Variants in PUM3 observed in about 807,000 individuals in gnomAD.
The protein encoded by PUM3 is pumilio homolog 3.
PUM3 carries 91 observed loss-of-function variants against 84.0 expected under a neutral mutation model. The ratio of observed to expected loss-of-function variants is 1.08; its 90% confidence interval spans 0.91 to 1.29. The LOEUF (loss-of-function observed/expected upper bound fraction) is 1.29, where lower values mean the gene tolerates loss of function less well. PUM3 is among the 50% of genes most tolerant of loss of function. The pLI, the probability that PUM3 is intolerant of heterozygous loss-of-function variation, is 0.00. For missense variants in PUM3, 1,067 were observed against 767.5 expected (o/e 1.39, Z -4.61); for synonymous variants, 321 against 266.7 (o/e 1.20, Z -1.98).
chr9:2,811,591 G>A lies in PUM3; in HGVS notation c.1413-8C>T, dbSNP rs754229006. 1.2e-6 allele frequency: 2 copies of A among 1,606,366 alleles called. No homozygotes were observed. Among genetic ancestry groups the A allele is most frequent in the Non-Finnish European group, 8.5e-7 (1 of 1,173,324 alleles). On this transcript the variant is annotated splice_region_variant and splice_polypyrimidine_tract_variant and intron_variant, in intron 14 of 17. Transcript: ENST00000397885. Reference sequence around the variant, plus strand: ...ACCTCTGTATCTTTCTTACTGTTGAGTATGTTGAACGGGGTATTAAGGTAA... The same window carrying A: ...ACCTCTGTATCTTTCTTACTGTTGAATATGTTGAACGGGGTATTAAGGTAA...
chr9:2,834,072 G>A lies in PUM3; in HGVS notation c.399C>T (p.Asp133=), dbSNP rs190795433. 77 of 1,613,676 alleles carry A rather than the reference G, an allele frequency of 4.8e-5. No individual in the cohort carries two copies. In the East Asian group the frequency reaches 1.7e-3, roughly 35 times the overall value. The change falls in exon 4 of 18, where the codon GAC becomes GAT. Residue 133 remains aspartate, a synonymous_variant. Coordinates refer to ENST00000397885, the MANE Select transcript of PUM3 (RefSeq NM_014878.5). ...ACATCTGCTTTGCCCGAACAACAAT[G>A]TCATAGTTGGTTTTATCACTGAGTT... ...SRQLSDKTNY[D]IVVRAKQMWE... is the part of the protein sequence containing the mutation.
chr9:2,830,704 CAA>C (rs1315468601), intron 7 of PUM3, among the ~76,000 whole-genome samples: 1 of 152,148 alleles, frequency 6.6e-6, no homozygotes, highest in African/African-American at 2.4e-5. Context: ...ATACCTCCAT[CAA>C]AGTCATAAAT....
At chr9:2,834,710 C>A (rs1816073844) in intron 3 of PUM3, among the ~76,000 whole-genome samples, 1 of 152,200 alleles carries the variant, frequency 6.6e-6, no homozygotes, top group Admixed American at 6.5e-5. Flanking sequence ...TGAGGCCACA[C>A]AACCTGCAAT....
At chr9:2,807,318 C>T (rs1029669718) in intron 17 of PUM3, among the ~76,000 whole-genome samples, 28 of 151,330 alleles carry the variant, frequency 1.9e-4, no homozygotes, top group African/African-American at 6.3e-4. Flanking sequence ...TCCTAAGGGC[C>T]AAGCACAATG....
rs527504258 is a variant in PUM3, at chr9:2,807,627, T to C, written c.1814+187A>G. Among the ~76,000 whole-genome samples, 33 of 124,896 alleles carry C rather than the reference T, an allele frequency of 2.6e-4. No individual in the cohort carries two copies. In the East Asian group the frequency reaches 7.0e-3, roughly 27 times the overall value. 81.9% of individuals were successfully genotyped at this position (124,896 alleles called of 152,430 possible). The stretch of plus-strand genomic sequence containing the variant: ...AAAAAAAAAAAAAAAAAAAAAAAGA[T>C]TCCTAAGGACTGACTGAAAGAGTTA... On this transcript the variant is annotated intron_variant, in intron 17 of 17. Transcript: ENST00000397885.
intron 12 of PUM3, among the ~76,000 whole-genome samples, chr9:2,821,535 A>T (rs1815630514): frequency 6.6e-6 from 1 of 152,104 alleles, no homozygotes; most frequent in African/African-American, 2.4e-5. Flanking sequence ...TGCTTTATGA[A>T]CTAATTAAGG....
At chr9:2,818,635 G>A (rs1821521525) in intron 13 of PUM3, among the ~76,000 whole-genome samples, 1 of 152,144 alleles carries the variant, frequency 6.6e-6, no homozygotes, top group African/African-American at 2.4e-5. Context: ...AATCATTATT[G>A]ATTGGAGTCA....
At chr9:2,838,203 G>A (rs1369037819) in intron 2 of PUM3, among the ~76,000 whole-genome samples, 1 of 152,210 alleles carries the variant, frequency 6.6e-6, no homozygotes, top group African/African-American at 2.4e-5. Context: ...AGCAACAACT[G>A]AGATAAGGAG....
Position 2,812,270 on chromosome 9 carries a change from T to G in PUM3, c.1362A>C (p.Thr454=). 6.2e-7 allele frequency: 1 copy of G among 1,613,524 alleles called. No homozygotes were observed. Among genetic ancestry groups the G allele is most frequent in the Non-Finnish European group, 8.5e-7 (1 of 1,179,462 alleles). ...GCAGAACTTCAATGATTTCTCGTAC[T>G]GTATGTGCAGGATCTCTGGGGCTTA... The part of the protein sequence containing the change: ...YLLSPRDPAH[T]VREIIEVLQK... The change falls in exon 14 of 18, where the codon ACA becomes ACC. Residue 454 remains threonine (T), a synonymous_variant. Transcript: ENST00000397885.
rs749192751 is a variant in PUM3, at chr9:2,837,235, C to A, written c.249G>T (p.Gln83His). 2.5e-6 allele frequency: 4 copies of A among 1,613,954 alleles called. No individual in the cohort carries two copies. The African/African-American group carries it at 4.0e-5, about 16-fold the overall frequency. The change falls in exon 3 of 18, where the codon CAG becomes CAT. Residue 83 changes from glutamine to histidine, a missense_variant. Gln to His is a conservative substitution (Grantham distance 24). Transcript: ENST00000397885. ...QGDKSPKNKF[Q>H]PANKFNKKRK... ...TCTTCTTGTTGAATTTATTTGCCGG[C>A]TGGAATTTGTTCTTTGGTGATTTGT...
At chr9:2,832,534 G>A (rs908380539) in intron 5 of PUM3, among the ~76,000 whole-genome samples, 1 of 152,164 alleles carries the variant, frequency 6.6e-6, no homozygotes, top group Non-Finnish European at 1.5e-5. Flanking sequence ...ATTTTAAGCA[G>A]CCCAGCCAGG....
intron 1 of PUM3, among the ~76,000 whole-genome samples, chr9:2,841,435 T>C (rs1253335734): frequency 6.6e-6 from 1 of 151,962 alleles, no homozygotes; most frequent in African/African-American, 2.4e-5. Flanking sequence ...CATGGTGGTG[T>C]TGCAAACATG....
intron 1 of PUM3, 23 bp from the exon 2 acceptor site, chr9:2,838,540 A>C: frequency 6.9e-7 from 1 of 1,446,406 alleles, no homozygotes; most frequent in Non-Finnish European, 9.7e-7. Flanking sequence ...AACCAAAACC[A>C]AAAACAATCA....
intron 11 of PUM3, 40 bp downstream of exon 11, chr9:2,824,677 G>T: frequency 7.5e-7 from 1 of 1,333,568 alleles, no homozygotes; most frequent in Non-Finnish European, 1.0e-6. Flanking sequence ...GCATGGCCCT[G>T]ACTTGTACAG....
chr9:2,832,605 GAGAA>G (rs1816013491), intron 5 of PUM3, among the ~76,000 whole-genome samples: 2 of 152,194 alleles, frequency 1.3e-5, no homozygotes, highest in Admixed American at 1.3e-4. Context: ...CAGGGTAGTT[GAGAA>G]AGAATCCTGA....
intron 13 of PUM3, among the ~76,000 whole-genome samples, chr9:2,818,637 T>C (rs1220244853): frequency 2.0e-5 from 3 of 152,232 alleles, no homozygotes; most frequent in Non-Finnish European, 2.9e-5. Flanking sequence ...TCATTATTGA[T>C]TGGAGTCAAA....
At chr9:2,834,387 G>A (rs1816065910) in intron 3 of PUM3, among the ~76,000 whole-genome samples, 1 of 152,066 alleles carries the variant, frequency 6.6e-6, no homozygotes, top group South Asian at 2.1e-4. Context: ...TCTTCTAACA[G>A]GATACCTATT....
chr9:2,806,093 T>A (rs776076041), intron 17 of PUM3, among the ~76,000 whole-genome samples: 1 of 152,212 alleles, frequency 6.6e-6, no homozygotes, highest in Non-Finnish European at 1.5e-5. Flanking sequence ...ACCTATAGTA[T>A]CCTTCCTATG....
chr9:2,834,826 G>A (rs1324073536), intron 3 of PUM3, among the ~76,000 whole-genome samples: 1 of 110,364 alleles, frequency 9.1e-6, no homozygotes, highest in Non-Finnish European at 2.1e-5. Flanking sequence ...TACTATAAAA[G>A]TCGAATATCT....
Sources: gnomAD v4.1 joint callset for allele counts (sites outside exome capture counted in the v4.1 genomes callset) on GRCh38, gnomAD v4.1.1 for gene constraint, MANE v1.5 for transcripts, NCBI Gene and HGNC (gene_info 2026-07-23, HGNC 2026-07-21) for gene names.